Variants in STAG2 observed in about 807,000 individuals in gnomAD.
The protein encoded by STAG2 is cohesin subunit SA-2.
In STAG2, 14 loss-of-function variants were observed where a neutral mutation model predicts 108.1. The observed-to-expected ratio is 0.13, with a 90% CI of 0.09 to 0.20. STAG2 has a LOEUF of 0.20. Ranked by LOEUF, STAG2 falls within the 10% of genes least tolerant of loss-of-function variation. STAG2 has a pLI of 1.00. For missense variants in STAG2, 440 were observed against 940.9 expected, an observed-to-expected ratio of 0.47 and a Z score of 6.96; for synonymous variants, 307 against 302.7, an observed-to-expected ratio of 1.01 and a Z score of -0.15.
chrX:124,050,636 A>T (rs1331620399), intron 11 of STAG2, among the ~76,000 whole-genome samples: 1 of 109,111 alleles, frequency 9.2e-6, no homozygotes, highest in African/African-American at 3.4e-5. Context: ...TATATACTTA[A>T]AAAAAAAATT....
intron 1 of STAG2, among the ~76,000 whole-genome samples, chrX:123,975,810 C>G (rs1348360910): frequency 8.9e-6 from 1 of 112,174 alleles, no homozygotes; most frequent in African/African-American, 3.2e-5. Context: ...GCATAAAGTG[C>G]TACTGTTCAT....
intron 24 of STAG2, among the ~76,000 whole-genome samples, chrX:124,070,470 A>G (rs1405661669): frequency 1.4e-4 from 16 of 111,844 alleles, no homozygotes; most frequent in African/African-American, 4.9e-4. Context: ...CTTCCCAACA[A>G]ATAATTAATT....
intron 5 of STAG2, among the ~76,000 whole-genome samples, chrX:124,031,811 A>G (rs1197667102): frequency 9.4e-6 from 1 of 106,125 alleles, no homozygotes; most frequent in African/African-American, 3.4e-5. Context: ...GCTCACTGCA[A>G]CCTCCGCCTC....
chrX:124,075,396 C>T (rs12848239), intron 25 of STAG2, among the ~76,000 whole-genome samples: 3,740 of 111,237 alleles, frequency 0.034, 60 homozygotes, highest in Non-Finnish European at 0.048. Context: ...GCCTCAGCCT[C>T]CCAACTAGGT....
At chrX:123,963,454 C>T (rs1207313377) in intron 1 of STAG2, 2 of 111,310 alleles carry the variant, frequency 1.8e-5, no homozygotes, top group African/African-American at 6.5e-5. Flanking sequence ...GGTTAATTTT[C>T]AACATTTTCA....
chrX:123,985,594 G>A (rs1486180394), intron 1 of STAG2, among the ~76,000 whole-genome samples: 1 of 109,503 alleles, frequency 9.1e-6, no homozygotes, highest in African/African-American at 3.3e-5. Flanking sequence ...TTTTAGACAC[G>A]ATTTTGCTCT....
intron 1 of STAG2, among the ~76,000 whole-genome samples, chrX:123,998,487 T>G (rs372042958): frequency 2.9e-4 from 30 of 101,963 alleles, no homozygotes; most frequent in East Asian, 6.0e-4. Flanking sequence ...GTGTATGTGT[T>G]TTTTTTTTTT....
intron 1 of STAG2, among the ~76,000 whole-genome samples, chrX:123,977,221 G>A (rs187312465): frequency 2.7e-5 from 3 of 112,043 alleles, no homozygotes; most frequent in African/African-American, 9.7e-5. Context: ...TTTTAATCTT[G>A]AGTAAAGTGA....
chrX:124,095,230 A>T (rs751403380), intron 33 of STAG2, 142 bp from the exon 34 acceptor site: 2 of 515,342 alleles, frequency 3.9e-6, no homozygotes, highest in Non-Finnish European at 6.5e-6. Context: ...CCCGGCTGAT[A>T]ATTTTCCATG....
chrX:124,039,609 T>C (rs192209138), intron 6 of STAG2, among the ~76,000 whole-genome samples: 153 of 106,671 alleles, frequency 1.4e-3, no homozygotes, highest in African/African-American at 5.0e-3. Flanking sequence ...GTTTGTTTGT[T>C]TGTCTGTTTT....
At chrX:124,098,735 A>T (rs2059443123) in intron 34 of STAG2, among the ~76,000 whole-genome samples, 1 of 112,337 alleles carries the variant, frequency 8.9e-6, no homozygotes, top group Admixed American at 9.4e-5. Context: ...TATCTTTTTA[A>T]ACACTTAATT....
At chrX:124,074,648 A>G (rs1237097776) in intron 25 of STAG2, among the ~76,000 whole-genome samples, 2 of 111,683 alleles carry the variant, frequency 1.8e-5, no homozygotes, top group African/African-American at 6.5e-5. Flanking sequence ...AAGGGAGAGT[A>G]AAATAGGGAA....
intron 1 of STAG2, among the ~76,000 whole-genome samples, chrX:124,012,965 C>G (rs1186445202): frequency 9.0e-6 from 1 of 110,944 alleles, no homozygotes; most frequent in Non-Finnish European, 1.9e-5. Flanking sequence ...TTAGATTTCC[C>G]CCAACATCAA....
chrX:123,981,333 C>T (rs946381181), intron 1 of STAG2, among the ~76,000 whole-genome samples: 1 of 109,995 alleles, frequency 9.1e-6, no homozygotes, highest in Non-Finnish European at 1.9e-5. Context: ...CTCCCACCTC[C>T]CAGCCCCTGG....
chrX:124,034,042 A>G (rs1237447615), intron 5 of STAG2, among the ~76,000 whole-genome samples: 1 of 111,661 alleles, frequency 9.0e-6, no homozygotes, highest in African/African-American at 3.3e-5. Context: ...TACAGTTTGA[A>G]CACAAAACCC....
chrX:123,972,268 T>G, intron 1 of STAG2, among the ~76,000 whole-genome samples: 1 of 107,364 alleles, frequency 9.3e-6, no homozygotes, highest in East Asian at 2.9e-4. Context: ...TTTGTTGGTG[T>G]AACTATCATT....
chrX:123,999,413 C>T (rs1455400215), intron 1 of STAG2, among the ~76,000 whole-genome samples: 1 of 110,628 alleles, frequency 9.0e-6, no homozygotes, highest in Admixed American at 9.7e-5. Context: ...TCTGGTTTCT[C>T]TCTCCCTCCT....
In STAG2 at chrX:124,018,301, T is replaced by G. The variant is rs10126765; in HGVS notation, c.-162-3066T>G. Among the ~76,000 whole-genome samples the G allele has an allele frequency of 6.0e-3, 678 of 112,308 alleles. 5 individuals carry two copies. The highest frequency in any genetic ancestry group is 0.02 in the African/African-American group (624 of 30,959). ...TAACCCGCAATAGTGCAGAAATTGTTTGGTGAGTTTGATTTTTAAACTGAT... is the reference window on the plus strand; with the variant it reads ...TAACCCGCAATAGTGCAGAAATTGTGTGGTGAGTTTGATTTTTAAACTGAT... On this transcript the variant is annotated intron_variant, in intron 1 of 34. Coordinates refer to ENST00000371145, the MANE Select transcript of STAG2 (RefSeq NM_001042750.2).
At chrX:123,990,911 C>T (rs1048139462) in intron 1 of STAG2, among the ~76,000 whole-genome samples, 3 of 111,679 alleles carry the variant, frequency 2.7e-5, no homozygotes, top group Non-Finnish European at 3.8e-5. Flanking sequence ...TACCCACTTG[C>T]CAGCATAACA....
Sources: allele counts gnomAD v4.1 joint callset (sites outside exome capture counted in the v4.1 genomes callset), GRCh38; gene constraint gnomAD v4.1.1; transcripts MANE v1.5; gene names NCBI Gene and HGNC (gene_info 2026-07-23, HGNC 2026-07-21).